The following BRIP1 variants were observed in gnomAD, a reference collection of about 807,000 sequenced individuals.
BRIP1 encodes Fanconi anemia group J protein.
A neutral mutation model predicts 119.7 loss-of-function variants in BRIP1; 88 were observed. The ratio of observed to expected loss-of-function variants is 0.74; its 90% CI spans 0.62 to 0.88. The LOEUF is 0.88. Ranked by LOEUF, BRIP1 falls within the 40% of genes least tolerant of loss-of-function variation. The pLI is 0.00. For missense variants in BRIP1, 1,259 were observed against 1,455.4 expected (o/e 0.87, Z 2.20); for synonymous variants, 443 against 496.5 (o/e 0.89, Z 1.43).
Position 61,745,844 on chromosome 17 carries a change from A to G in BRIP1, c.2098-1253T>C, listed in dbSNP as rs1259999559. ...TAAATATATTTATTTTTAAAATGTC[A>G]AAATAAAAGAATCAAGTATTCTTTC... On this transcript the variant is annotated intron_variant, in intron 14 of 19. Coordinates refer to ENST00000259008, the MANE Select transcript of BRIP1 (RefSeq NM_032043.3). The surrounding 1 kb of genome is among the most constrained non-coding windows in gnomAD (Gnocchi z 4.4). 6.6e-6 allele frequency among the ~76,000 whole-genome samples: 1 copy of G among 152,252 alleles called. No homozygotes were observed. The highest frequency in any genetic ancestry group is 1.5e-5 in the Non-Finnish European group (1 of 68,036).
At chr17:61,772,742 C>T (rs1400571334) in intron 14 of BRIP1, among the ~76,000 whole-genome samples, 2 of 142,814 alleles carry the variant, frequency 1.4e-5, no homozygotes, top group East Asian at 2.2e-4. Context: ...CACTTGAACC[C>T]GGGAGGCAGA....
intron 19 of BRIP1, chr17:61,685,405 CA>C (rs2050860700): frequency 5.9e-6 from 1 of 168,908 alleles, no homozygotes; most frequent in Admixed American, 6.2e-5. Flanking sequence ...AAAAGTAGTT[CA>C]TATAGAAGTA....
At position 61,803,206 on chromosome 17, in the gene BRIP1, T is replaced by C. The variant is rs2078022107; in HGVS notation, c.919-1732A>G. On this transcript the variant is annotated intron_variant, in intron 7 of 19. Transcript: ENST00000259008. The surrounding 1 kb of genome is among the most constrained non-coding windows in gnomAD (Gnocchi z 4.3). ...GCCTCCCAGGTTCAAGCAATTCTTG[T>C]GCCTCAGCCACCAAGTAGCTGGAAC... Among the ~76,000 whole-genome samples the C allele has an allele frequency of 6.6e-6, 1 of 152,114 alleles. No homozygotes were observed. The highest frequency in any genetic ancestry group is 1.5e-5 in the Non-Finnish European group (1 of 68,024).
Position 61,694,330 on chromosome 17 carries a change from G to A in BRIP1, c.2493-818C>T, listed in dbSNP as rs541600436. ...GCCAATTCTGGACATTTCATTTAAC[G>A]GGAATCAGACAATATGTAGCATTTT... On this transcript the variant is annotated intron_variant, in intron 17 of 19. Transcript: ENST00000259008. Among the ~76,000 whole-genome samples, 7 of 152,020 alleles carry A rather than the reference G, an allele frequency of 4.6e-5. No individual in the cohort carries two copies. The South Asian group carries it at 1.4e-3, about 31-fold the overall frequency.
Position 61,680,758 on chromosome 17 carries a change from C to T in BRIP1, c.*2538G>A, listed in dbSNP as rs150080122. 5.5e-3 allele frequency among the ~76,000 whole-genome samples: 840 copies of T among 152,236 alleles called. 4 individuals are homozygous for T. The highest frequency in any genetic ancestry group is 0.019 in the African/African-American group (803 of 41,556). ...CCTCCCAAAGTGCTGGGATTACAGG[C>T]GTGAGCCACCGCGCCTGGCCCTAAA... is the stretch of plus-strand genomic sequence containing the variant. On this transcript the variant is annotated 3_prime_UTR_variant, in exon 20 of 20. Coordinates refer to ENST00000259008, the MANE Select transcript of BRIP1 (RefSeq NM_032043.3).
In BRIP1 at chr17:61,825,622, CAAATAAATAAATAAAT is replaced by C. The variant is rs3034667; in HGVS notation, c.628-16881_628-16866del. ...AATGCAATCCCATTCACAATTGCCA[CAAATAAATAAATAAAT>C]AAATAAATAAATAAATAAATAAATA... On this transcript the variant is annotated intron_variant, in intron 6 of 19. Transcript: ENST00000259008. The surrounding 1 kb of genome is among the most constrained non-coding windows in gnomAD (Gnocchi z 4.1). Among the ~76,000 whole-genome samples, 157 of 143,404 alleles carry C rather than the reference CAAATAAATAAATAAAT, an allele frequency of 1.1e-3. No homozygotes were observed. The highest frequency in any genetic ancestry group is 3.9e-3 in the Admixed American group (56 of 14,376). 94.1% of individuals were successfully genotyped at this position (143,404 alleles called of 152,430 possible). A position where few individuals can be genotyped will look rare whatever the true frequency, so the allele number is the denominator to read the frequency against.
chr17:61,777,707 G>A (rs180678703), intron 13 of BRIP1, among the ~76,000 whole-genome samples: 14 of 152,288 alleles, frequency 9.2e-5, no homozygotes, highest in Non-Finnish European at 1.3e-4. Context: ...TCAATTCCCA[G>A]GCACATCACC....
Position 61,806,800 on chromosome 17 carries a change from C to A in BRIP1, c.918+1667G>T. The stretch of plus-strand genomic sequence containing the variant: ...GCAACCTCTGCCTCCTGGGTTCAAG[C>A]GATTCTCATGCCTCAGCCTCCCAAG... On this transcript the variant is annotated intron_variant, in intron 7 of 19. Transcript: ENST00000259008. This position sits in a 1 kb window ranked among gnomAD's most constrained non-coding sequence, Gnocchi z 4.9. Among the ~76,000 whole-genome samples the A allele has an allele frequency of 6.6e-6, 1 of 152,260 alleles. No homozygotes were observed. The highest frequency in any genetic ancestry group is 3.4e-3 in the Middle Eastern group (1 of 294).
rs1230878855 is a variant in BRIP1, at chr17:61,862,497, T to C, written c.-31+787A>G. 6.6e-6 allele frequency among the ~76,000 whole-genome samples: 1 copy of C among 152,232 alleles called. No homozygotes were observed. The highest frequency in any genetic ancestry group is 1.5e-5 in the Non-Finnish European group (1 of 68,044). On this transcript the variant is annotated intron_variant, in intron 1 of 19. Transcript: ENST00000259008. The surrounding 1 kb of genome is among the most constrained non-coding windows in gnomAD (Gnocchi z 5.3). Reference sequence around the variant, plus strand: ...GATCTGATACAGATGAGGATCACTTTAATCCTCACCTCTTCTAAACCACTT... The same window carrying C: ...GATCTGATACAGATGAGGATCACTTCAATCCTCACCTCTTCTAAACCACTT...
chr17:61,776,235 T>TA lies in BRIP1; in HGVS notation c.2097+165dup, dbSNP rs1163211314. Reference sequence around the variant, plus strand: ...GAGGTAGGACAATCAGGCAGTATCTTAATCAAAAAATAAGTAAAATAATAT... The same window carrying TA: ...GAGGTAGGACAATCAGGCAGTATCTTAAATCAAAAAATAAGTAAAATAATAT... On this transcript the variant is annotated intron_variant, in intron 14 of 19. Coordinates refer to ENST00000259008, the MANE Select transcript of BRIP1 (RefSeq NM_032043.3). This position sits in a 1 kb window ranked among gnomAD's most constrained non-coding sequence, Gnocchi z 5.0. 1 of 748,690 alleles carries TA rather than the reference T, an allele frequency of 1.3e-6. No homozygotes were observed. The highest frequency in any genetic ancestry group is 2.2e-6 in the Non-Finnish European group (1 of 464,880). 46.4% of individuals were successfully genotyped at this position (748,690 alleles called of 1,614,324 possible).
intron 6 of BRIP1, among the ~76,000 whole-genome samples, chr17:61,820,482 G>A (rs1261641468): frequency 6.6e-6 from 1 of 152,150 alleles, no homozygotes; most frequent in Non-Finnish European, 1.5e-5. Context: ...ATTCTTACAG[G>A]ACAGCAATCC....
At position 61,713,657 on chromosome 17, in the gene BRIP1, G is replaced by T. The variant is rs1479474675; in HGVS notation, c.2492+2294C>A. Among the ~76,000 whole-genome samples, 1 of 151,862 alleles carries T rather than the reference G, an allele frequency of 6.6e-6. No individual in the cohort carries two copies. Among genetic ancestry groups the T allele is most frequent in the Non-Finnish European group, 1.5e-5 (1 of 67,990 alleles). On this transcript the variant is annotated intron_variant, in intron 17 of 19. Transcript: ENST00000259008. The surrounding 1 kb of genome is among the most constrained non-coding windows in gnomAD (Gnocchi z 4.9). ...CTGCCCCAGCCTCCCAAGTAGCTGG[G>T]ATTATAGGCACCTGCCACCACATCC...
intron 10 of BRIP1, among the ~76,000 whole-genome samples, chr17:61,791,414 G>A (rs1445225365): frequency 1.5e-5 from 2 of 135,688 alleles, no homozygotes; most frequent in Admixed American, 7.8e-5. Context: ...ACTTGAACAC[G>A]AGAGGCAGAG....
chr17:61,711,439 C>T (rs2061772897), intron 17 of BRIP1, among the ~76,000 whole-genome samples: 1 of 152,064 alleles, frequency 6.6e-6, no homozygotes, highest in African/African-American at 2.4e-5. Context: ...TGTGATGCTT[C>T]AATAACCTTC....
rs200633156 is a variant in BRIP1, at chr17:61,841,538, C to CA, written c.627+5562dup. 1.3e-3 allele frequency among the ~76,000 whole-genome samples: 192 copies of CA among 148,600 alleles called. 1 individual carries two copies. The highest frequency in any genetic ancestry group is 4.4e-3 in the African/African-American group (177 of 40,518). On this transcript the variant is annotated intron_variant, in intron 6 of 19. Transcript: ENST00000259008. This position sits in a 1 kb window ranked among gnomAD's most constrained non-coding sequence, Gnocchi z 4.1. ...TTAGAATGGCTTACTATCGAAAAGA[C>CA]AAAAAAAAATAACAAATGTTAGTGA... is the stretch of plus-strand genomic sequence containing the variant.
intron 6 of BRIP1, among the ~76,000 whole-genome samples, chr17:61,812,308 CTTT>C (rs774589825): frequency 2.0e-5 from 3 of 152,060 alleles, no homozygotes; most frequent in African/African-American, 7.2e-5. Context: ...TTCAAAAAGA[CTTT>C]TTTATTTTCC....
In BRIP1 at chr17:61,739,731, G is replaced by A. The variant is rs1288739375; in HGVS notation, c.2379+3282C>T. 1.3e-5 allele frequency among the ~76,000 whole-genome samples: 2 copies of A among 152,032 alleles called. No homozygotes were observed. Among genetic ancestry groups the A allele is most frequent in the East Asian group, 3.9e-4 (2 of 5,188 alleles). On this transcript the variant is annotated intron_variant, in intron 16 of 19. Transcript: ENST00000259008. This position sits in a 1 kb window ranked among gnomAD's most constrained non-coding sequence, Gnocchi z 6.0. Reference sequence around the variant, plus strand: ...CTAACTGACTGTATCCTAGGGGGAGGGATATAGGTCATAATCAATAAGTCA... The same window carrying A: ...CTAACTGACTGTATCCTAGGGGGAGAGATATAGGTCATAATCAATAAGTCA...
At position 61,685,913 on chromosome 17, in the gene BRIP1, A is replaced by G. The variant is rs786204143; in HGVS notation, c.2828T>C (p.Val943Ala). The part of the protein sequence containing the change: ...NFVEDEAKIC[V>A]QELQCPKIIT... ...AATTTTAGGACACTGTAGTTCCTGG[A>G]CACATATCTTTGCTTCATCTTCCAC... Residue 943 changes from valine to alanine, a missense_variant, in exon 19 of 20, where the codon GTC (valine) becomes GCC (alanine). Val to Ala is a moderately conservative substitution (Grantham distance 64). Coordinates refer to ENST00000259008, the MANE Select transcript of BRIP1 (RefSeq NM_032043.3). The G allele has an allele frequency of 6.2e-6, 10 of 1,614,082 alleles. No homozygotes were observed. The highest frequency in any genetic ancestry group is 8.5e-6 in the Non-Finnish European group (10 of 1,179,952).
rs577726241 is a variant in BRIP1, at chr17:61,775,585, G to C, written c.2097+816C>G. 1.3e-5 allele frequency among the ~76,000 whole-genome samples: 2 copies of C among 152,144 alleles called. No homozygotes were observed. Among genetic ancestry groups the C allele is most frequent in the East Asian group, 3.9e-4 (2 of 5,172 alleles). The stretch of plus-strand genomic sequence containing the variant: ...GTGGTTTCAATGCTTTGAATGTTAG[G>C]AGGACCAAAATATACTAAATAATTT... On this transcript the variant is annotated intron_variant, in intron 14 of 19. Transcript: ENST00000259008. The surrounding 1 kb of genome is among the most constrained non-coding windows in gnomAD (Gnocchi z 4.4).
Sources: gnomAD v4.1 joint callset for allele counts (sites outside exome capture counted in the v4.1 genomes callset) on GRCh38, gnomAD v4.1.1 for gene constraint, Gnocchi (gnomAD v3.1) non-coding constraint, MANE v1.5 for transcripts, NCBI Gene and HGNC (gene_info 2026-07-23, HGNC 2026-07-21) for gene names.